Variants in TLL1 observed in about 807,000 individuals in gnomAD.
The protein encoded by TLL1 is tolloid-like protein 1.
Under a neutral mutation model 128.2 loss-of-function variants are expected in TLL1, and 49 were observed. That is an observed-to-expected ratio of 0.38 (90% CI 0.30 to 0.48). The LOEUF is 0.48. Ranked by LOEUF, TLL1 falls within the 20% of genes least tolerant of loss-of-function variation. The pLI, the probability that TLL1 is intolerant of heterozygous loss-of-function variation, is 0.96. For missense variants in TLL1, 1,123 were observed against 1,242.0 expected (o/e 0.90, Z 1.44); for synonymous variants, 454 against 418.8 (o/e 1.08, Z -1.03).
intron 18 of TLL1, among the ~76,000 whole-genome samples, chr4:166,090,338 G>A (rs1468999629): frequency 6.6e-6 from 1 of 151,980 alleles, no homozygotes; most frequent in Non-Finnish European, 1.5e-5. Context: ...ATTATTTTCA[G>A]TCCATCTCAA....
chr4:165,886,644 C>T (rs970202319), intron 1 of TLL1, among the ~76,000 whole-genome samples: 19 of 152,066 alleles, frequency 1.2e-4, no homozygotes, highest in African/African-American at 4.1e-4. Context: ...GAATATAAAC[C>T]ATTCAATCCT....
chr4:165,946,650 T>C (rs904779763), intron 1 of TLL1, among the ~76,000 whole-genome samples: 2 of 152,148 alleles, frequency 1.3e-5, no homozygotes, highest in African/African-American at 4.8e-5. Context: ...AAATTTGTCA[T>C]TCTTTATTAA....
intron 1 of TLL1, among the ~76,000 whole-genome samples, chr4:165,966,108 G>A (rs753569324): frequency 6.6e-6 from 1 of 151,642 alleles, no homozygotes; most frequent in Non-Finnish European, 1.5e-5. Context: ...AACCTGGGAG[G>A]TGGAGGTTGC....
chr4:165,887,479 G>A (rs1162614121), intron 1 of TLL1, among the ~76,000 whole-genome samples: 1 of 152,192 alleles, frequency 6.6e-6, no homozygotes, highest in Non-Finnish European at 1.5e-5. Context: ...TCATACTTTA[G>A]TGACTGGATA....
At chr4:166,088,289 T>C (rs1035177866) in intron 18 of TLL1, among the ~76,000 whole-genome samples, 1 of 152,104 alleles carries the variant, frequency 6.6e-6, no homozygotes, top group Non-Finnish European at 1.5e-5. Flanking sequence ...AGATTCATGG[T>C]TCAGCTTGTG....
At position 166,043,362 on chromosome 4, in the gene TLL1, G is replaced by C. The variant is rs1368924208; in HGVS notation, c.1467G>C (p.Val489=). 1 of 1,614,016 alleles carries C rather than the reference G, an allele frequency of 6.2e-7. No individual in the cohort carries two copies. The change falls in exon 12 of 21, where the codon GTG becomes GTC. Residue 489 remains valine, a synonymous_variant. Transcript: ENST00000061240. The part of the protein sequence containing the change: ...PDDYRPMKEC[V]WKITVSESYH... The stretch of plus-strand genomic sequence containing the variant: ...ACTATCGCCCGATGAAAGAATGTGT[G>C]TGGAAAATAACAGTGTCTGAGAGCT...
Position 166,102,721 on chromosome 4 carries a change from G to A in TLL1, c.*1845G>A, listed in dbSNP as rs1166458741. 1.3e-5 allele frequency: 2 copies of A among 151,680 alleles called. No homozygotes were observed. Among genetic ancestry groups the A allele is most frequent in the East Asian group, 3.9e-4 (2 of 5,146 alleles). The allele number at this position is 151,680 out of a possible 1,614,324, so 9.4% of individuals were successfully genotyped here. A position where few individuals can be genotyped will look rare whatever the true frequency, so the allele number is the denominator to read the frequency against. ...AGCTTATCTGTTTTTTTCTTAAATT[G>A]TTGCCCTGAAAAAATTTCTTGCATA... is the stretch of plus-strand genomic sequence containing the variant. On this transcript the variant is annotated 3_prime_UTR_variant, in exon 21 of 21. Transcript: ENST00000061240.
intron 1 of TLL1, among the ~76,000 whole-genome samples, chr4:165,926,910 A>G (rs554522308): frequency 6.6e-6 from 1 of 152,236 alleles, no homozygotes; most frequent in Non-Finnish European, 1.5e-5. Flanking sequence ...TGGATAAAAT[A>G]TACTAGGTTA....
intron 1 of TLL1, among the ~76,000 whole-genome samples, chr4:165,931,589 G>A (rs532318021): frequency 1.6e-4 from 25 of 151,974 alleles, no homozygotes; most frequent in Middle Eastern, 3.4e-3. Context: ...TGTGGTGGTG[G>A]GCACCTGTAG....
chr4:165,936,650 G>C (rs1036964979), intron 1 of TLL1, among the ~76,000 whole-genome samples: 10 of 151,998 alleles, frequency 6.6e-5, no homozygotes, highest in Non-Finnish European at 1.2e-4. Flanking sequence ...GAAATGTAGA[G>C]ATCTGCCGGT....
At position 166,102,882 on chromosome 4, in the gene TLL1, A is replaced by G. The variant is rs1386199087; in HGVS notation, c.*2006A>G. ...CTGATTTATTCCAGTAACTTCTTCC[A>G]TATTTTCTCACTAATCTCCCGTTAG... is the stretch of plus-strand genomic sequence containing the variant. On this transcript the variant is annotated 3_prime_UTR_variant, in exon 21 of 21. Coordinates refer to ENST00000061240, the MANE Select transcript of TLL1 (RefSeq NM_012464.5). 1 of 152,034 alleles carries G rather than the reference A, an allele frequency of 6.6e-6. No individual in the cohort carries two copies. Among genetic ancestry groups the G allele is most frequent in the South Asian group, 2.1e-4 (1 of 4,824 alleles). The allele number at this position is 152,034 out of a possible 1,614,324, so 9.4% of individuals were successfully genotyped here. A position where few individuals can be genotyped will look rare whatever the true frequency, so the allele number is the denominator to read the frequency against.
At chr4:165,877,997 A>G (rs1730796839) in intron 1 of TLL1, among the ~76,000 whole-genome samples, 1 of 152,150 alleles carries the variant, frequency 6.6e-6, no homozygotes, top group Non-Finnish European at 1.5e-5. Context: ...GAAGCTCCTG[A>G]GTGAAAGTCC....
chr4:166,044,497 G>GT, intron 12 of TLL1: 1 of 1,344,390 alleles, frequency 7.4e-7, no homozygotes, highest in South Asian at 1.3e-5. Flanking sequence ...CTTCCCAGAT[G>GT]TATTTCCTTT....
intron 12 of TLL1, among the ~76,000 whole-genome samples, chr4:166,044,989 T>A (rs1739399819): frequency 6.6e-6 from 1 of 152,176 alleles, no homozygotes; most frequent in African/African-American, 2.4e-5. Flanking sequence ...AAAAATAAGA[T>A]AACATAAGGA....
intron 19 of TLL1, among the ~76,000 whole-genome samples, chr4:166,092,108 T>C (rs1741802733): frequency 6.6e-6 from 1 of 152,086 alleles, no homozygotes; most frequent in Admixed American, 6.6e-5. Context: ...GTGGCATTGC[T>C]GATGCATAAA....
At chr4:165,983,898 C>T (rs906697866) in intron 1 of TLL1, among the ~76,000 whole-genome samples, 14 of 151,654 alleles carry the variant, frequency 9.2e-5, no homozygotes, top group Admixed American at 4.6e-4. Context: ...ATCCAGTGTG[C>T]GAGGAAAGGA....
intron 13 of TLL1, among the ~76,000 whole-genome samples, chr4:166,056,277 C>G (rs1467149266): frequency 6.6e-6 from 1 of 151,930 alleles, no homozygotes; most frequent in Non-Finnish European, 1.5e-5. Context: ...AAGTGTCTTG[C>G]TGATGCATAA....
intron 14 of TLL1, among the ~76,000 whole-genome samples, chr4:166,058,983 C>A (rs558863971): frequency 3.3e-5 from 5 of 152,092 alleles, no homozygotes; most frequent in Non-Finnish European, 7.4e-5. Flanking sequence ...CACCTATTAA[C>A]CTACTAATCT....
At chr4:166,069,089 C>A (rs539959434) in intron 16 of TLL1, among the ~76,000 whole-genome samples, 19 of 151,886 alleles carry the variant, frequency 1.3e-4, no homozygotes, top group African/African-American at 4.3e-4. Flanking sequence ...CCACCTATTA[C>A]TGTTAGCCAA....
Sources: gnomAD v4.1 joint callset for allele counts (sites outside exome capture counted in the v4.1 genomes callset) on GRCh38, gnomAD v4.1.1 for gene constraint, MANE v1.5 for transcripts, NCBI Gene and HGNC (gene_info 2026-07-23, HGNC 2026-07-21) for gene names.